The following FAM169A variants were observed in gnomAD, a reference collection of about 807,000 sequenced individuals.
The protein encoded by FAM169A is family with sequence similarity 169 member A, also known as soluble lamin-associated protein of 75 kDa.
A neutral mutation model predicts 75.7 loss-of-function variants in FAM169A; 24 were observed. The observed-to-expected ratio is 0.32, with a 90% CI of 0.23 to 0.45. The LOEUF is 0.45. Among genes scored for constraint, FAM169A ranks in the 20% least tolerant of loss-of-function variants. The pLI is 1.00. For synonymous variants in FAM169A, 271 were observed against 271.0 expected (o/e 1.00, Z 0.00); for missense variants, 673 against 784.0 (o/e 0.86, Z 1.69).
At chr5:74,860,827 T>TAAAA (rs11293001) in intron 1 of FAM169A, among the ~76,000 whole-genome samples, 2 of 71,650 alleles carry the variant, frequency 2.8e-5, no homozygotes, top group Non-Finnish European at 5.9e-5. Flanking sequence ...AATGTAGCAC[T>TAAAA]AAAAAAAAAA....
chr5:74,800,416 A>T (rs1035367122), intron 10 of FAM169A, among the ~76,000 whole-genome samples: 3 of 152,188 alleles, frequency 2.0e-5, no homozygotes, highest in Admixed American at 1.3e-4. Context: ...GGGGGAAAAA[A>T]ACTGACTATA....
At chr5:74,819,812 ATAT>A (rs1396810583) in intron 5 of FAM169A, among the ~76,000 whole-genome samples, 1 of 152,182 alleles carries the variant, frequency 6.6e-6, no homozygotes, top group Non-Finnish European at 1.5e-5. Flanking sequence ...AAAAAGTCAC[ATAT>A]TATTCATATA....
chr5:74,834,999 T>TAAA (rs34697673), intron 4 of FAM169A, among the ~76,000 whole-genome samples: 71 of 131,124 alleles, frequency 5.4e-4, no homozygotes, highest in African/African-American at 1.3e-3. Flanking sequence ...TCTCCACATT[T>TAAA]AAAAAAAAAA....
chr5:74,830,021 T>C (rs1748232234), intron 5 of FAM169A, among the ~76,000 whole-genome samples: 1 of 152,172 alleles, frequency 6.6e-6, no homozygotes, highest in African/African-American at 2.4e-5. Flanking sequence ...ACTTAATGAT[T>C]TATTCCCTAA....
chr5:74,788,981 A>G (rs991832475), intron 11 of FAM169A, among the ~76,000 whole-genome samples: 1 of 152,222 alleles, frequency 6.6e-6, no homozygotes, highest in Non-Finnish European at 1.5e-5. Flanking sequence ...GGTACCTGGT[A>G]TGCAGCCAAT....
At chr5:74,816,628 T>A (rs576941503) in intron 5 of FAM169A, among the ~76,000 whole-genome samples, 142 of 152,262 alleles carry the variant, frequency 9.3e-4, no homozygotes, top group Non-Finnish European at 9.0e-4. Context: ...TGCAATCAAA[T>A]AAAGAGCAGA....
rs560636954 is a variant in FAM169A at position 74,843,177 on chromosome 5, C to T, written c.-3-1498G>A. On this transcript the variant is annotated intron_variant, in intron 1 of 12. Coordinates refer to ENST00000687041, the MANE Select transcript of FAM169A (RefSeq NM_001376049.1). ...CTTAAATTCAACAACAGAAACAGTACAAAATCTATATAAGGAAAACTACAA... is the reference window on the plus strand; with the variant it reads ...CTTAAATTCAACAACAGAAACAGTATAAAATCTATATAAGGAAAACTACAA... 1.4e-4 allele frequency among the ~76,000 whole-genome samples: 22 copies of T among 152,078 alleles called. 1 individual carries two copies. The South Asian group carries it at 4.6e-3, about 32-fold the overall frequency.
chr5:74,799,296 T>C, intron 10 of FAM169A: 2 of 1,576,126 alleles, frequency 1.3e-6, no homozygotes, highest in South Asian at 2.2e-5. Context: ...CAGCTACTTT[T>C]GTGAAGTGGT....
At chr5:74,795,362 A>G (rs1275639722) in intron 11 of FAM169A, among the ~76,000 whole-genome samples, 1 of 152,234 alleles carries the variant, frequency 6.6e-6, no homozygotes, top group Non-Finnish European at 1.5e-5. Flanking sequence ...TTATGAACAT[A>G]TGAAAGAAGA....
chr5:74,779,149 C>G lies in FAM169A; in HGVS notation c.*2311G>C, dbSNP rs1745281231. Reference sequence around the variant, plus strand: ...TGTTTACAATTCACTTACTATTTAACCCAAACAAGTTTAACAAGAATAAGT... The same window carrying G: ...TGTTTACAATTCACTTACTATTTAAGCCAAACAAGTTTAACAAGAATAAGT... On this transcript the variant is annotated 3_prime_UTR_variant, in exon 13 of 13. Coordinates refer to ENST00000687041, the MANE Select transcript of FAM169A (RefSeq NM_001376049.1). 6.6e-6 allele frequency: 1 copy of G among 152,058 alleles called. No individual in the cohort carries two copies. The highest frequency in any genetic ancestry group is 2.1e-4 in the South Asian group (1 of 4,832). 9.4% of individuals were successfully genotyped at this position (152,058 alleles called of 1,614,324 possible).
chr5:74,841,502 C>T (rs776305975), intron 2 of FAM169A, 43 bp downstream of exon 2: 3 of 1,453,548 alleles, frequency 2.1e-6, no homozygotes, highest in South Asian at 2.9e-5. Flanking sequence ...CATGTATAAA[C>T]TGAACTGAAA....
rs1273536278 is a variant in FAM169A at position 74,782,981 on chromosome 5, G to A, written c.1414C>T (p.Pro472Ser). ...GGTTTTGAAGATTCTACCACCAGTG[G>A]AACAAGATTTGTAGAGTCTTCACTG... ...NSSEDSTNLV[P>S]LVVESSKPPE... Residue 472 changes from proline (P) to serine (S), a missense_variant, in exon 12 of 13, where the codon CCA becomes TCA. Coordinates refer to ENST00000687041, the MANE Select transcript of FAM169A (RefSeq NM_001376049.1). The A allele has an allele frequency of 1.9e-6, 3 of 1,613,780 alleles. No individual in the cohort carries two copies. Among genetic ancestry groups the A allele is most frequent in the Non-Finnish European group, 2.5e-6 (3 of 1,179,868 alleles).
intron 5 of FAM169A, among the ~76,000 whole-genome samples, chr5:74,818,797 CTCTCTCTATA>C (rs772154615): frequency 1.3e-3 from 171 of 136,318 alleles, no homozygotes; most frequent in African/African-American, 4.9e-3. Context: ...CTCTCTCTCT[CTCTCTCTATA>C]TATATATATA....
intron 11 of FAM169A, among the ~76,000 whole-genome samples, chr5:74,792,107 T>C (rs1746008311): frequency 6.6e-6 from 1 of 152,220 alleles, no homozygotes; most frequent in Non-Finnish European, 1.5e-5. Flanking sequence ...TGTATTATGT[T>C]AGGCATAATT....
At chr5:74,828,123 T>C (rs1275713993) in intron 5 of FAM169A, among the ~76,000 whole-genome samples, 1 of 152,214 alleles carries the variant, frequency 6.6e-6, no homozygotes, top group Non-Finnish European at 1.5e-5. Context: ...AAACCCTTCG[T>C]TATAGCAATG....
rs56653446 is a variant in FAM169A at position 74,842,420 on chromosome 5, C to CAAAAAAAA, written c.-3-749_-3-742dup. Among the ~76,000 whole-genome samples the CAAAAAAAA allele has an allele frequency of 4.0e-4, 9 of 22,476 alleles. 2 individuals carry two copies. The highest frequency in any genetic ancestry group is 1.8e-3 in the Admixed American group (2 of 1,082). The allele number at this position is 22,476 out of a possible 152,430, so 14.7% of individuals were successfully genotyped here. ...TGGGTGAAAGAGTGAGACTCTATCA[C>CAAAAAAAA]AAAAAAAAAAAAAAAAAAAAAAAAA... On this transcript the variant is annotated intron_variant, in intron 1 of 12. Coordinates refer to ENST00000687041, the MANE Select transcript of FAM169A (RefSeq NM_001376049.1).
At chr5:74,843,716 T>C (rs1749002315) in intron 1 of FAM169A, among the ~76,000 whole-genome samples, 1 of 152,206 alleles carries the variant, frequency 6.6e-6, no homozygotes, top group South Asian at 2.1e-4. Context: ...ACTACTTCTG[T>C]GAGAAACATG....
chr5:74,825,653 C>G (rs1327216915), intron 5 of FAM169A, among the ~76,000 whole-genome samples: 1 of 152,058 alleles, frequency 6.6e-6, no homozygotes, highest in East Asian at 1.9e-4. Flanking sequence ...TTCCTTCTTT[C>G]ACTCTCACTC....
chr5:74,816,289 A>C (rs1747465984), intron 5 of FAM169A, among the ~76,000 whole-genome samples: 1 of 152,210 alleles, frequency 6.6e-6, no homozygotes, highest in South Asian at 2.1e-4. Context: ...ACAAAGTCTG[A>C]GGATCTATGG....
Sources: gnomAD v4.1 joint callset for allele counts (sites outside exome capture counted in the v4.1 genomes callset) on GRCh38, gnomAD v4.1.1 for gene constraint, MANE v1.5 for transcripts, NCBI Gene and HGNC (gene_info 2026-07-23, HGNC 2026-07-21) for gene names.